The following CDKAL1 variants were observed in gnomAD, a reference collection of about 807,000 sequenced individuals.
The protein encoded by CDKAL1 is threonylcarbamoyladenosine tRNA methylthiotransferase.
CDKAL1 carries 32 observed loss-of-function variants against 68.2 expected under a neutral mutation model. The observed-to-expected ratio is 0.47, with a 90% CI of 0.35 to 0.63. The LOEUF (loss-of-function observed/expected upper bound fraction) is 0.63, where lower values mean the gene tolerates loss of function less well. Among genes scored for constraint, CDKAL1 ranks in the 30% least tolerant of loss-of-function variants. The pLI, the probability that CDKAL1 is intolerant of heterozygous loss-of-function variation, is 0.00. For missense variants in CDKAL1, 606 were observed against 696.7 expected (o/e 0.87, Z 1.47); for synonymous variants, 234 against 244.3 (o/e 0.96, Z 0.39).
chr6:20,651,281 G>T (rs1768757990), intron 5 of CDKAL1, among the ~76,000 whole-genome samples: 1 of 152,086 alleles, frequency 6.6e-6, no homozygotes, highest in Admixed American at 6.6e-5. Flanking sequence ...TCCCTTGTTA[G>T]CTGTTTTCCT....
At chr6:20,852,033 G>A (rs115220223) in intron 9 of CDKAL1, among the ~76,000 whole-genome samples, 3,318 of 152,036 alleles carry the variant, frequency 0.022, 111 homozygotes, top group African/African-American at 0.075. Context: ...CTTTTCATAT[G>A]TGCTGTATTC....
At chr6:20,633,652 G>A (rs1234437857) in intron 4 of CDKAL1, among the ~76,000 whole-genome samples, 1 of 152,114 alleles carries the variant, frequency 6.6e-6, no homozygotes, top group East Asian at 1.9e-4. Flanking sequence ...TTTTGATTAG[G>A]AGCATATGAG....
intron 9 of CDKAL1, among the ~76,000 whole-genome samples, chr6:20,923,547 T>A (rs1034508121): frequency 6.6e-6 from 1 of 152,148 alleles, no homozygotes; most frequent in Non-Finnish European, 1.5e-5. Context: ...TGGTAAATGG[T>A]ATGTGTTCTG....
intron 8 of CDKAL1, among the ~76,000 whole-genome samples, chr6:20,818,315 T>C (rs1777133768): frequency 6.6e-6 from 1 of 152,168 alleles, no homozygotes; most frequent in African/African-American, 2.4e-5. Context: ...CATTTTTGCT[T>C]TTGTTACTCA....
chr6:21,197,148 ACT>A (rs1778505539), intron 13 of CDKAL1, among the ~76,000 whole-genome samples: 1 of 150,406 alleles, frequency 6.6e-6, no homozygotes, highest in Non-Finnish European at 1.5e-5. Flanking sequence ...ACAGAGTGAG[ACT>A]CTGTCTCAAA....
At chr6:20,898,816 A>G (rs1371121928) in intron 9 of CDKAL1, among the ~76,000 whole-genome samples, 1 of 152,156 alleles carries the variant, frequency 6.6e-6, no homozygotes, top group Non-Finnish European at 1.5e-5. Context: ...CTTTTATAAA[A>G]TAATTTTCAC....
chr6:20,862,605 A>G (rs1221116598), intron 9 of CDKAL1, among the ~76,000 whole-genome samples: 4 of 152,046 alleles, frequency 2.6e-5, no homozygotes, highest in African/African-American at 9.7e-5. Flanking sequence ...ATGACTGTTG[A>G]CATTCTTTCT....
chr6:20,733,794 G>C (rs62397655), intron 5 of CDKAL1, among the ~76,000 whole-genome samples: 1 of 152,026 alleles, frequency 6.6e-6, no homozygotes, highest in African/African-American at 2.4e-5. Flanking sequence ...CTTCTCATCT[G>C]TGAAGTAAGG....
At chr6:20,950,978 A>AG (rs1554145620) in intron 9 of CDKAL1, among the ~76,000 whole-genome samples, 81 of 151,708 alleles carry the variant, frequency 5.3e-4, no homozygotes, top group East Asian at 3.5e-3. Context: ...AGAAAAAAAA[A>AG]AAAAGAAAAG....
chr6:20,583,784 G>GCCC lies in CDKAL1; in HGVS notation c.286+35086_286+35088dup, dbSNP rs11448102. On this transcript the variant is annotated intron_variant, in intron 4 of 15. Coordinates refer to ENST00000274695, the MANE Select transcript of CDKAL1 (RefSeq NM_017774.3). ...ATCAGACACTTTTGTTAGTAAAAGC[G>GCCC]CCCCCCCCCACTAGTTTCAGTCTGC... Among the ~76,000 whole-genome samples, 194 of 147,502 alleles carry GCCC rather than the reference G, an allele frequency of 1.3e-3. 1 individual carries two copies. The highest frequency in any genetic ancestry group is 2.9e-3 in the African/African-American group (114 of 39,866).
intron 9 of CDKAL1, among the ~76,000 whole-genome samples, chr6:20,859,919 T>C (rs947494508): frequency 1.3e-5 from 2 of 152,200 alleles, no homozygotes; most frequent in African/African-American, 4.8e-5. Flanking sequence ...TGGTTTTTCC[T>C]GTGGTCTTTG....
In CDKAL1 at chr6:20,762,902, A is replaced by G. The variant is rs1412438179; in HGVS notation, c.517+4259A>G. 2.0e-5 allele frequency among the ~76,000 whole-genome samples: 3 copies of G among 152,148 alleles called. No homozygotes were observed. The East Asian group carries it at 5.8e-4, about 29-fold the overall frequency. The stretch of plus-strand genomic sequence containing the variant: ...CTCTTACCCACCAAGTTAATTTGGG[A>G]CTTTCTACCATTTTCACTTCTTTTG... On this transcript the variant is annotated intron_variant, in intron 7 of 15. Transcript: ENST00000274695.
At chr6:21,149,680 C>T (rs1776320094) in intron 13 of CDKAL1, among the ~76,000 whole-genome samples, 1 of 152,070 alleles carries the variant, frequency 6.6e-6, no homozygotes, top group Non-Finnish European at 1.5e-5. Context: ...TGCTGGCAGG[C>T]CTTTCTGAAA....
chr6:20,708,983 G>A (rs867421172), intron 5 of CDKAL1, among the ~76,000 whole-genome samples: 2 of 152,214 alleles, frequency 1.3e-5, no homozygotes, highest in Admixed American at 6.5e-5. Context: ...TTTTTATACA[G>A]TAGAACTAAA....
intron 8 of CDKAL1, among the ~76,000 whole-genome samples, chr6:20,817,475 A>G (rs769408595): frequency 7.2e-5 from 11 of 152,204 alleles, no homozygotes; most frequent in Non-Finnish European, 1.6e-4. Context: ...CTAATTAAAT[A>G]ATTTTATTGG....
At chr6:20,675,675 G>A (rs1356341494) in intron 5 of CDKAL1, among the ~76,000 whole-genome samples, 2 of 152,058 alleles carry the variant, frequency 1.3e-5, no homozygotes, top group Non-Finnish European at 2.9e-5. Flanking sequence ...AGTATAGCAC[G>A]TACAATCGTG....
chr6:21,175,145 G>A (rs1434984336), intron 13 of CDKAL1, among the ~76,000 whole-genome samples: 1 of 152,132 alleles, frequency 6.6e-6, no homozygotes, highest in Non-Finnish European at 1.5e-5. Flanking sequence ...CCATTAGGAG[G>A]CCATTTATCC....
At chr6:20,656,349 G>T (rs9460541) in intron 5 of CDKAL1, among the ~76,000 whole-genome samples, 39,399 of 151,990 alleles carry the variant, frequency 0.26, 6,703 homozygotes, top group African/African-American at 0.48. Flanking sequence ...AGTTCTTACC[G>T]GAGCGATGGC....
intron 8 of CDKAL1, among the ~76,000 whole-genome samples, chr6:20,814,194 A>G (rs115843021): frequency 0.015 from 2,228 of 152,206 alleles, 64 homozygotes; most frequent in African/African-American, 0.05. Flanking sequence ...TGTGAATGAT[A>G]TTTTAAGAAG....
Sources: gnomAD v4.1 joint callset for allele counts (sites outside exome capture counted in the v4.1 genomes callset) on GRCh38, gnomAD v4.1.1 for gene constraint, MANE v1.5 for transcripts, NCBI Gene and HGNC (gene_info 2026-07-23, HGNC 2026-07-21) for gene names.